The following IMMP2L variants were observed in gnomAD, a reference collection of about 807,000 sequenced individuals.
IMMP2L encodes mitochondrial inner membrane protease subunit 2.
Under a neutral mutation model 19.3 loss-of-function variants are expected in IMMP2L, and 18 were observed. The observed-to-expected ratio is 0.93, with a 90% CI of 0.64 to 1.38. The LOEUF (loss-of-function observed/expected upper bound fraction) is 1.38. Among genes scored for constraint, IMMP2L ranks in the 40% most tolerant of loss-of-function variants. The pLI is 0.00. For missense variants in IMMP2L, 233 were observed against 218.2 expected (o/e 1.07, Z -0.43); for synonymous variants, 76 against 73.0 (o/e 1.04, Z -0.21).
chr7:111,124,066 C>G, intron 3 of IMMP2L: 12 of 1,613,938 alleles, frequency 7.4e-6, no homozygotes, highest in Non-Finnish European at 9.3e-6. Flanking sequence ...TCCTTCTAAT[C>G]TAAATGTAGA....
chr7:110,706,229 A>C (rs1430133626), intron 5 of IMMP2L, among the ~76,000 whole-genome samples: 7 of 152,036 alleles, frequency 4.6e-5, no homozygotes, highest in Non-Finnish European at 8.8e-5. Context: ...CAGCCTCCCA[A>C]GTAGCTGGGA....
intron 3 of IMMP2L, among the ~76,000 whole-genome samples, chr7:110,992,214 A>G (rs1822554714): frequency 6.6e-6 from 1 of 152,124 alleles, no homozygotes; most frequent in Non-Finnish European, 1.5e-5. Context: ...TATATATAAC[A>G]AACATTTAAT....
intron 3 of IMMP2L, among the ~76,000 whole-genome samples, chr7:111,447,377 G>A (rs994836908): frequency 6.8e-6 from 1 of 147,640 alleles, no homozygotes; most frequent in Non-Finnish European, 1.5e-5. Context: ...AACCCTACAA[G>A]CCAGAAGAGA....
intron 3 of IMMP2L, among the ~76,000 whole-genome samples, chr7:111,304,412 G>T (rs1218547271): frequency 2.0e-5 from 3 of 151,858 alleles, no homozygotes; most frequent in African/African-American, 7.3e-5. Flanking sequence ...GCCCCAAATG[G>T]AAATGAAATT....
intron 3 of IMMP2L, among the ~76,000 whole-genome samples, chr7:111,214,328 CTTCTT>C (rs1468015653): frequency 3.5e-5 from 3 of 85,108 alleles, no homozygotes; most frequent in Non-Finnish European, 6.8e-5. Context: ...AGTAATTTTT[CTTCTT>C]TTTTTTTTTT....
At chr7:111,140,511 C>G in intron 3 of IMMP2L, among the ~76,000 whole-genome samples, 1 of 152,180 alleles carries the variant, frequency 6.6e-6, no homozygotes, top group East Asian at 1.9e-4. Context: ...AAACACTATG[C>G]ATCATTTACT....
chr7:110,963,098 T>C, intron 4 of IMMP2L: 1 of 1,517,740 alleles, frequency 6.6e-7, no homozygotes. Flanking sequence ...TCTCTATGAG[T>C]ACAAAAGAGT....
In IMMP2L at chr7:111,214,041, T is replaced by C. The variant is rs184655156; in HGVS notation, c.240-250476A>G. ...GGTAAACTTGAGGGTAGAAATATAT[T>C]TTTAATACACAATAAATCAATTAAA... On this transcript the variant is annotated intron_variant, in intron 3 of 5. Transcript: ENST00000405709. Among the ~76,000 whole-genome samples the C allele has an allele frequency of 4.1e-3, 629 of 152,260 alleles. 10 individuals are homozygous for C. Among genetic ancestry groups the C allele is most frequent in the African/African-American group, 0.015 (608 of 41,538 alleles).
At chr7:111,275,956 T>G (rs1170980818) in intron 3 of IMMP2L, among the ~76,000 whole-genome samples, 2 of 152,174 alleles carry the variant, frequency 1.3e-5, no homozygotes, top group Admixed American at 1.3e-4. Context: ...TCTGCCGGGT[T>G]TTCTAGGTAT....
At chr7:110,885,986 C>A (rs1213303816) in intron 5 of IMMP2L, among the ~76,000 whole-genome samples, 1 of 152,040 alleles carries the variant, frequency 6.6e-6, no homozygotes, top group Admixed American at 6.6e-5. Context: ...TTCAATCTAA[C>A]ATAAAAGTAT....
intron 4 of IMMP2L, among the ~76,000 whole-genome samples, chr7:110,904,885 T>A (rs1812290844): frequency 1.3e-5 from 2 of 152,224 alleles, no homozygotes; most frequent in Admixed American, 1.3e-4. Flanking sequence ...TCTGATTGGA[T>A]ATCTATCTCA....
At chr7:111,281,294 G>C (rs1400900605) in intron 3 of IMMP2L, among the ~76,000 whole-genome samples, 1 of 149,400 alleles carries the variant, frequency 6.7e-6, no homozygotes. Context: ...AAAGAAAGAA[G>C]GAAGGAAGGA....
chr7:110,953,649 A>G (rs1247642898), intron 4 of IMMP2L, among the ~76,000 whole-genome samples: 2 of 152,170 alleles, frequency 1.3e-5, no homozygotes, highest in African/African-American at 4.8e-5. Context: ...GTGTCTTTAC[A>G]GTAGAATGAT....
intron 3 of IMMP2L, among the ~76,000 whole-genome samples, chr7:111,192,790 CAAAT>C (rs949157249): frequency 2.6e-5 from 4 of 152,014 alleles, no homozygotes; most frequent in African/African-American, 9.7e-5. Context: ...AGAACTAAAA[CAAAT>C]AGCCACAATT....
intron 3 of IMMP2L, among the ~76,000 whole-genome samples, chr7:111,321,362 T>G (rs1333428452): frequency 6.6e-6 from 1 of 151,990 alleles, no homozygotes; most frequent in Admixed American, 6.6e-5. Context: ...GCACACTGAT[T>G]AAATAAATGA....
chr7:110,869,674 T>C (rs546783778), intron 5 of IMMP2L, among the ~76,000 whole-genome samples: 9 of 152,250 alleles, frequency 5.9e-5, no homozygotes, highest in Admixed American at 5.2e-4. Context: ...AATCAGAATC[T>C]CAAGGAAGCC....
At chr7:110,703,819 A>C (rs1279819988) in intron 5 of IMMP2L, among the ~76,000 whole-genome samples, 1 of 152,124 alleles carries the variant, frequency 6.6e-6, no homozygotes, top group Admixed American at 6.6e-5. Flanking sequence ...TGTAGAAAAT[A>C]ATAGTTTTCT....
intron 5 of IMMP2L, among the ~76,000 whole-genome samples, chr7:110,697,497 AAC>A (rs1205810228): frequency 6.6e-6 from 1 of 152,184 alleles, no homozygotes; most frequent in Non-Finnish European, 1.5e-5. Flanking sequence ...AATTTTAACT[AAC>A]AGTGACCACA....
chr7:111,517,163 T>C (rs998159756), intron 2 of IMMP2L, among the ~76,000 whole-genome samples: 2 of 150,426 alleles, frequency 1.3e-5, no homozygotes, highest in East Asian at 4.0e-4. Context: ...GATGATACTT[T>C]TAATTTCAAA....
Sources: gnomAD v4.1 joint callset for allele counts (sites outside exome capture counted in the v4.1 genomes callset) on GRCh38, gnomAD v4.1.1 for gene constraint, MANE v1.5 for transcripts, NCBI Gene and HGNC (gene_info 2026-07-23, HGNC 2026-07-21) for gene names.